Variants in NECAB3 observed in about 807,000 individuals in gnomAD.
NECAB3 encodes N-terminal EF-hand calcium binding protein 3.
Under a neutral mutation model 57.2 loss-of-function variants are expected in NECAB3, and 38 were observed. That is an observed-to-expected ratio of 0.66 (90% confidence interval 0.51 to 0.87). NECAB3 has a LOEUF of 0.87. NECAB3 is among the 40% of genes least tolerant of loss of function. The pLI is 0.00. For synonymous variants in NECAB3, 223 were observed against 222.6 expected, an observed-to-expected ratio of 1.00 and a Z score of -0.02; for missense variants, 474 against 527.5, an observed-to-expected ratio of 0.90 and a Z score of 0.99.
chr20:33,659,261 C>T (rs1254918602), intron 8 of NECAB3, among the ~76,000 whole-genome samples: 1 of 152,232 alleles, frequency 6.6e-6, no homozygotes, highest in Non-Finnish European at 1.5e-5. Flanking sequence ...TTCCACCCTC[C>T]AGCTTCCGTC....
At chr20:33,663,769 C>T (rs981221433) in intron 5 of NECAB3, 1 of 1,418,464 alleles carries the variant, frequency 7.0e-7, no homozygotes, top group Non-Finnish European at 9.2e-7. Flanking sequence ...GCCGCGGCTG[C>T]TCTCGCGCTT....
At position 33,670,751 on chromosome 20, in the gene NECAB3, C is replaced by A. The variant is rs761236105; in HGVS notation, c.196G>T (p.Ala66Ser). The change falls in exon 3 of 12, where the codon GCC (alanine) becomes TCC (serine). Residue 66 changes from alanine (A) to serine (S), a missense_variant. Ala to Ser is a moderately conservative substitution (Grantham distance 99). Coordinates refer to ENST00000246190, the MANE Select transcript of NECAB3 (RefSeq NM_031232.4). ...LSFEEFQNYF[A>S]DGVLSLGELQ... is the part of the protein sequence containing the mutation. The stretch of plus-strand genomic sequence containing the variant: ...TCCCCCAGGCTGAGAACCCCATCGG[C>A]AAAGTAATTCTGGAATTCCTCAAAT... The A allele has an allele frequency of 6.2e-7, 1 of 1,613,548 alleles. No individual in the cohort carries two copies. The highest frequency in any genetic ancestry group is 1.1e-5 in the South Asian group (1 of 91,066).
Position 33,660,489 on chromosome 20 carries a change from C to T in NECAB3, c.388-94G>A. On this transcript the variant is annotated intron_variant, in intron 5 of 11. Coordinates refer to ENST00000246190, the MANE Select transcript of NECAB3 (RefSeq NM_031232.4). The surrounding 1 kb of genome is among the most constrained non-coding windows in gnomAD (Gnocchi z 4.1). The stretch of plus-strand genomic sequence containing the variant: ...CTCTTGCCCATCAGAGCAGCGGTGG[C>T]AGTGCCAAGAGCAGGGGCACGCAAA... 3 of 1,518,432 alleles carry T rather than the reference C, an allele frequency of 2.0e-6. No individual in the cohort carries two copies. The highest frequency in any genetic ancestry group is 2.7e-5 in the African/African-American group (2 of 73,272). 94.1% of individuals were successfully genotyped at this position (1,518,432 alleles called of 1,614,324 possible).
At chr20:33,666,690 G>C (rs926010007) in intron 5 of NECAB3, 3 of 152,362 alleles carry the variant, frequency 2.0e-5, no homozygotes, top group African/African-American at 7.2e-5. Flanking sequence ...CTGACGGGGC[G>C]GAACAGCAAA....
rs1378308080 is a variant in NECAB3, at chr20:33,659,667, G to A, written c.709C>T (p.Gln237Ter). 1.9e-6 allele frequency: 3 copies of A among 1,610,886 alleles called. No homozygotes were observed. Among genetic ancestry groups the A allele is most frequent in the East Asian group, 2.2e-5 (1 of 44,802 alleles). The part of the protein sequence containing the change: ...QVNRLQELID[Q>*]LECKVRAVGP... The stretch of plus-strand genomic sequence containing the variant: ...ACGGCCCTCACCTTGCACTCGAGCT[G>A]GTCGATGAGCTCCTGGAGGCGGTTC... Residue 237 changes from glutamine to a stop codon, truncating the protein, a stop_gained, in exon 8 of 12, where the codon CAG (glutamine) becomes TAG (stop). Coordinates refer to ENST00000246190, the MANE Select transcript of NECAB3 (RefSeq NM_031232.4). LOFTEE classifies it high-confidence loss of function.
intron 5 of NECAB3, chr20:33,667,879 T>C (rs1157161098): frequency 6.3e-7 from 1 of 1,595,694 alleles, no homozygotes; most frequent in Non-Finnish European, 8.5e-7. Flanking sequence ...CGAACCCATC[T>C]TCCAGCCGGG....
chr20:33,668,256 G>A (rs2017743355), intron 5 of NECAB3: 26 of 1,556,532 alleles, frequency 1.7e-5, no homozygotes, highest in African/African-American at 2.7e-5. Context: ...ACTGGGGGGG[G>A]TGGCACTGCG....
intron 5 of NECAB3, among the ~76,000 whole-genome samples, chr20:33,665,794 T>C (rs117909856): frequency 0.018 from 2,779 of 152,272 alleles, 42 homozygotes; most frequent in Non-Finnish European, 0.027. Flanking sequence ...GCTTCAGAAC[T>C]GAGTCTTGCT....
intron 5 of NECAB3, chr20:33,663,297 T>C: frequency 1.8e-6 from 1 of 560,298 alleles, no homozygotes; most frequent in Non-Finnish European, 3.1e-6. Flanking sequence ...CTGGGATGGA[T>C]GAGGGTTTCC....
At chr20:33,667,988 T>C in intron 5 of NECAB3, 2 of 1,547,496 alleles carry the variant, frequency 1.3e-6, no homozygotes, top group Non-Finnish European at 1.7e-6. Flanking sequence ...GACACCGTGG[T>C]GCTAGCCGGC....
chr20:33,659,767 C>A, intron 7 of NECAB3, 35 bp from the exon 8 acceptor site: 1 of 1,548,766 alleles, frequency 6.5e-7, no homozygotes, highest in Non-Finnish European at 8.7e-7. Context: ...CAGGCAGGGG[C>A]CTCTCAGGTC....
intron 5 of NECAB3, chr20:33,665,033 G>C (rs916194938): frequency 2.0e-5 from 3 of 152,306 alleles, no homozygotes; most frequent in Non-Finnish European, 2.9e-5. Context: ...GGGTAACCAT[G>C]TTCTTCCATG....
At chr20:33,663,474 G>T in intron 5 of NECAB3, 1 of 1,538,160 alleles carries the variant, frequency 6.5e-7, no homozygotes, top group Non-Finnish European at 8.7e-7. Context: ...GAGCGGCCCC[G>T]GGTCGTGGGC....
intron 8 of NECAB3, 117 bp from the exon 9 acceptor site, chr20:33,658,951 C>T: frequency 1.4e-6 from 1 of 708,412 alleles, no homozygotes; most frequent in Non-Finnish European, 2.4e-6. Flanking sequence ...AAGACAGGGT[C>T]TTGCTCTCAC....
At chr20:33,668,022 C>T (rs1293795804) in intron 5 of NECAB3, 6 of 1,542,788 alleles carry the variant, frequency 3.9e-6, no homozygotes, top group Non-Finnish European at 4.4e-6. Flanking sequence ...TTCCTGGCTT[C>T]GCCGAGCGCC....
Position 33,674,333 on chromosome 20 carries a change from A to G in NECAB3, c.20T>C (p.Leu7Pro), listed in dbSNP as rs2017903553. MACAGL[L>P]TVCLLRPPAP... ...GGGCGGCCGGAGCAGGCACACGGTG[A>G]GCAGCCCCGCGCACGCCATGGCGCC... is the stretch of plus-strand genomic sequence containing the variant. The change falls in exon 1 of 12, where the codon CTC becomes CCC. Residue 7 changes from leucine (L) to proline (P), a missense_variant. Physicochemically the swap from Leu to Pro is moderately conservative, Grantham distance 98 (BLOSUM62 -3). Transcript: ENST00000246190. 8.3e-7 allele frequency: 1 copy of G among 1,207,800 alleles called. No individual in the cohort carries two copies. The highest frequency in any genetic ancestry group is 1.0e-6 in the Non-Finnish European group (1 of 972,362). The allele number at this position is 1,207,800 out of a possible 1,614,324, so 74.8% of individuals were successfully genotyped here.
At chr20:33,659,031 C>T (rs1296714851) in intron 8 of NECAB3, among the ~76,000 whole-genome samples, 197 bp from the exon 9 acceptor site, 1 of 152,148 alleles carries the variant, frequency 6.6e-6, no homozygotes, top group Non-Finnish European at 1.5e-5. Flanking sequence ...CTCAAGTAAT[C>T]CTCCCACCTT....
At position 33,660,138 on chromosome 20, in the gene NECAB3, C is replaced by G. The variant is rs1441127772; in HGVS notation, c.524+121G>C. ...CTCATTTCACCCCGCCATGGCTACC[C>G]TGCCATGGCTTCCCCGCCCGAAAAT... On this transcript the variant is annotated intron_variant, in intron 6 of 11. Coordinates refer to ENST00000246190, the MANE Select transcript of NECAB3 (RefSeq NM_031232.4). This position sits in a 1 kb window ranked among gnomAD's most constrained non-coding sequence, Gnocchi z 4.1. The G allele has an allele frequency of 1.3e-6, 2 of 1,527,372 alleles. No individual in the cohort carries two copies. Among genetic ancestry groups the G allele is most frequent in the Non-Finnish European group, 8.8e-7 (1 of 1,138,116 alleles). 94.6% of individuals were successfully genotyped at this position (1,527,372 alleles called of 1,614,324 possible).
At chr20:33,666,294 A>G (rs1466899923) in intron 5 of NECAB3, among the ~76,000 whole-genome samples, 1 of 152,224 alleles carries the variant, frequency 6.6e-6, no homozygotes, top group Non-Finnish European at 1.5e-5. Flanking sequence ...GGTTTGGGAA[A>G]GGAATCAGAC....
Sources: gnomAD v4.1 joint callset for allele counts (sites outside exome capture counted in the v4.1 genomes callset) on GRCh38, gnomAD v4.1.1 for gene constraint, Gnocchi (gnomAD v3.1) non-coding constraint, MANE v1.5 for transcripts, NCBI Gene and HGNC (gene_info 2026-07-23, HGNC 2026-07-21) for gene names.